MYT1: variants seen among roughly 807,000 people sequenced by gnomAD.
The protein encoded by MYT1 is myelin transcription factor 1, also known as myelin transcription factor I.
Under a neutral mutation model 123.0 loss-of-function variants are expected in MYT1, and 23 were observed. The observed-to-expected ratio is 0.19, with a 90% CI of 0.13 to 0.26. The LOEUF is 0.26. Among genes scored for constraint, MYT1 ranks in the 10% least tolerant of loss-of-function variants. MYT1 has a pLI of 1.00. For missense variants in MYT1, 1,125 were observed against 1,472.5 expected (o/e 0.76, Z 3.86); for synonymous variants, 518 against 575.3 (o/e 0.90, Z 1.43).
At chr20:64,216,015 C>T (rs531440912) in intron 10 of MYT1, among the ~76,000 whole-genome samples, 2 of 152,296 alleles carry the variant, frequency 1.3e-5, no homozygotes, top group East Asian at 3.9e-4. Flanking sequence ...GAGAAAACAC[C>T]CACGTCCTGG....
intron 1 of MYT1, among the ~76,000 whole-genome samples, chr20:64,181,415 A>G (rs1304982406): frequency 2.0e-5 from 3 of 151,654 alleles, no homozygotes; most frequent in African/African-American, 7.3e-5. Flanking sequence ...CCTTTTGTTC[A>G]CTTTCCTAGT....
Position 64,217,081 on chromosome 20 carries a change from T to C in MYT1, c.1646T>C (p.Val549Ala), listed in dbSNP as rs781524374. ...CTGCACCCCAGGCCCATGTGCTTCG[T>C]GAAGCAGCTCGAGGTCCCTCCATAT... is the stretch of plus-strand genomic sequence containing the variant. ...SDRILRPMCF[V>A]KQLEVPPYGS... The change falls in exon 11 of 23, where the codon GTG becomes GCG. Residue 549 changes from valine to alanine, a missense_variant. This residue lies in a region of MYT1 where 429 missense variants were observed against 604.1 expected (regional missense o/e 0.71). Coordinates refer to ENST00000328439, the MANE Select transcript of MYT1 (RefSeq NM_004535.3). The C allele has an allele frequency of 6.2e-7, 1 of 1,613,584 alleles. No individual in the cohort carries two copies. The highest frequency in any genetic ancestry group is 1.1e-5 in the South Asian group (1 of 91,068).
At position 64,207,851 on chromosome 20, in the gene MYT1, G is replaced by A; in HGVS notation, c.655G>A (p.Glu219Lys). 2 of 1,613,634 alleles carry A rather than the reference G, an allele frequency of 1.2e-6. No individual in the cohort carries two copies. Among genetic ancestry groups the A allele is most frequent in the Non-Finnish European group, 8.5e-7 (1 of 1,179,914 alleles). The part of the protein sequence containing the change: ...EGEKGLFIQP[E>K]DAEEVVEVTT... The stretch of plus-strand genomic sequence containing the variant: ...TGAAAAGGGCCTCTTCATCCAGCCA[G>A]AGGATGCCGAGGAGGTCGTCGAAGT... The change falls in exon 7 of 23, where the codon GAG becomes AAG. Residue 219 changes from glutamate to lysine, a missense_variant. Around this residue, in one of 4 missense-constraint regions of MYT1, gnomAD observed 406 missense variants for 432.2 expected, o/e 0.94. Transcript: ENST00000328439.
intron 4 of MYT1, among the ~76,000 whole-genome samples, chr20:64,204,785 G>A (rs775374107): frequency 2.6e-5 from 4 of 152,200 alleles, no homozygotes; most frequent in East Asian, 1.9e-4. Context: ...CGTGGGGAGC[G>A]GTCTGGGAGA....
In MYT1 at chr20:64,206,896, C is replaced by T. The variant is rs1016482115; in HGVS notation, c.398-698C>T. On this transcript the variant is annotated intron_variant, in intron 6 of 22. Transcript: ENST00000328439. ...GGGGCCTGCATGTGGTGAGCACCTA[C>T]CATATCTTAGTTTCGTTTTGTTTTT... 9.9e-5 allele frequency among the ~76,000 whole-genome samples: 15 copies of T among 152,142 alleles called. No individual in the cohort carries two copies. In the East Asian group the frequency reaches 2.1e-3, roughly 22 times the overall value.
intron 19 of MYT1, among the ~76,000 whole-genome samples, chr20:64,236,218 G>A (rs1193965613): frequency 2.9e-5 from 4 of 139,730 alleles, no homozygotes; most frequent in African/African-American, 1.1e-4. Context: ...TGGGCTGGCT[G>A]TGGTGGGTGA....
intron 21 of MYT1, among the ~76,000 whole-genome samples, chr20:64,238,319 C>G (rs981787769): frequency 2.0e-5 from 3 of 152,188 alleles, no homozygotes; most frequent in African/African-American, 7.2e-5. Context: ...GTGGCCTCCA[C>G]CAAGGCAGCA....
chr20:64,216,917 T>A, intron 10 of MYT1, 150 bp from the exon 11 acceptor site: 1 of 703,798 alleles, frequency 1.4e-6, no homozygotes, highest in Admixed American at 2.6e-5. Context: ...GCTTTAGTGG[T>A]GGAATATGCA....
intron 2 of MYT1, among the ~76,000 whole-genome samples, chr20:64,195,244 T>G (rs1346607270): frequency 6.6e-6 from 1 of 152,104 alleles, no homozygotes; most frequent in Non-Finnish European, 1.5e-5. Context: ...TTGGCTTGTT[T>G]TGGTTCCTGA....
At chr20:64,182,635 G>A (rs1484604148) in intron 1 of MYT1, among the ~76,000 whole-genome samples, 2 of 152,160 alleles carry the variant, frequency 1.3e-5, no homozygotes, top group Non-Finnish European at 2.9e-5. Context: ...CGTGTCACTC[G>A]CATGACCCAT....
intron 4 of MYT1, among the ~76,000 whole-genome samples, chr20:64,204,440 CG>C (rs1472410339): frequency 6.6e-6 from 1 of 152,188 alleles, no homozygotes; most frequent in Non-Finnish European, 1.5e-5. Context: ...CGGGCCCTCC[CG>C]GCTTCTTTTC....
In MYT1 at chr20:64,208,075, A is replaced by G. The variant is rs533163023; in HGVS notation, c.879A>G (p.Glu293=). Residue 293 remains glutamate, a synonymous_variant, in exon 7 of 23, where the codon GAA becomes GAG. Coordinates refer to ENST00000328439, the MANE Select transcript of MYT1 (RefSeq NM_004535.3). The surrounding 1 kb of genome is among the most constrained non-coding windows in gnomAD (Gnocchi z 5.4). ...AGGAAGAGGAGGAGGAGGAAGAGGA[A>G]GAGGAGGAGGAAGAGGAAGAGGAAG... ...EEEEEEEEEE[E]EEEEEEEEEE... is the part of the protein sequence containing the mutation. The G allele has an allele frequency of 2.5e-6, 4 of 1,600,974 alleles. No homozygotes were observed. Among genetic ancestry groups the G allele is most frequent in the East Asian group, 2.2e-5 (1 of 44,678 alleles).
At chr20:64,215,409 C>T (rs1983806787) in intron 10 of MYT1, among the ~76,000 whole-genome samples, 1 of 152,170 alleles carries the variant, frequency 6.6e-6, no homozygotes, top group Non-Finnish European at 1.5e-5. Context: ...GTGGAGGAGG[C>T]CTCCCGTTAG....
rs1456692671 is a variant in MYT1 at position 64,203,142 on chromosome 20, A to T, written c.87-1893A>T. On this transcript the variant is annotated intron_variant, in intron 4 of 22. Coordinates refer to ENST00000328439, the MANE Select transcript of MYT1 (RefSeq NM_004535.3). This position sits in a 1 kb window ranked among gnomAD's most constrained non-coding sequence, Gnocchi z 5.1. ...ACTTGGGCTCACAGCCGTGTCTCAC[A>T]CCCTCTGAGGCTGGGGCCGGAAGGT... Among the ~76,000 whole-genome samples the T allele has an allele frequency of 2.0e-5, 3 of 151,856 alleles. No individual in the cohort carries two copies. Among genetic ancestry groups the T allele is most frequent in the Non-Finnish European group, 4.4e-5 (3 of 67,968 alleles).
intron 11 of MYT1, among the ~76,000 whole-genome samples, chr20:64,217,761 C>A (rs1351526125): frequency 6.6e-6 from 1 of 152,230 alleles, no homozygotes; most frequent in East Asian, 1.9e-4. Flanking sequence ...AGTGCCCTGG[C>A]AGGAAGCCAT....
intron 6 of MYT1, among the ~76,000 whole-genome samples, chr20:64,206,532 G>A (rs1042929205): frequency 2.0e-5 from 3 of 152,052 alleles, no homozygotes; most frequent in Non-Finnish European, 2.9e-5. Flanking sequence ...GAGGCCCAAG[G>A]TCCACTCCCC....
Position 64,168,715 on chromosome 20 carries a change from C to T in MYT1, c.-99+3976C>T, listed in dbSNP as rs1358673340. ...GCTTGGAGTTGATTGGATATGTTCC[C>T]TGTGCCTTGGGGTTTATTTGGGACT... On this transcript the variant is annotated intron_variant, in intron 1 of 22. Transcript: ENST00000328439. The surrounding 1 kb of genome is among the most constrained non-coding windows in gnomAD (Gnocchi z 6.1). 6.6e-6 allele frequency among the ~76,000 whole-genome samples: 1 copy of T among 152,224 alleles called. No homozygotes were observed. The highest frequency in any genetic ancestry group is 1.5e-5 in the Non-Finnish European group (1 of 68,050).
chr20:64,188,953 G>A (rs1466510684), intron 1 of MYT1, among the ~76,000 whole-genome samples: 2 of 152,302 alleles, frequency 1.3e-5, no homozygotes, highest in East Asian at 3.9e-4. Flanking sequence ...TGTAGACCTC[G>A]TATTAGGCTG....
In MYT1 at chr20:64,211,351, C is replaced by T. The variant is rs186283095; in HGVS notation, c.1426+11C>T. On this transcript the variant is annotated intron_variant, in intron 8 of 22. Transcript: ENST00000328439. Reference sequence around the variant, plus strand: ...GGATCCCCCCAGAGAGTGAGTAGCTCTGTGCAGCGTTAGCCCTAACTGTGA... The same window carrying T: ...GGATCCCCCCAGAGAGTGAGTAGCTTTGTGCAGCGTTAGCCCTAACTGTGA... 46 of 1,608,996 alleles carry T rather than the reference C, an allele frequency of 2.9e-5. No individual in the cohort carries two copies. In the East Asian group the frequency reaches 9.4e-4, roughly 33 times the overall value.
Sources: allele counts gnomAD v4.1 joint callset (sites outside exome capture counted in the v4.1 genomes callset), GRCh38; gene constraint gnomAD v4.1.1; regional missense constraint gnomAD v4.1.1; non-coding constraint Gnocchi (gnomAD v3.1); transcripts MANE v1.5; gene names NCBI Gene and HGNC (gene_info 2026-07-23, HGNC 2026-07-21).